Variants in PCDHA6 observed in about 807,000 individuals in gnomAD.
PCDHA6 encodes protocadherin alpha-6.
In PCDHA6, 55 loss-of-function variants were observed where a neutral mutation model predicts 60.3. The ratio of observed to expected loss-of-function variants is 0.91; its 90% CI spans 0.73 to 1.14. The LOEUF is 1.14. PCDHA6 is among the 50% of genes most tolerant of loss of function. The pLI is 0.00. For synonymous variants in PCDHA6, 652 were observed against 557.9 expected (o/e 1.17, Z -2.38); for missense variants, 1,327 against 1,256.5 (o/e 1.06, Z -0.85).
At chr5:140,942,351 G>A (rs893015832) in intron 1 of PCDHA6, among the ~76,000 whole-genome samples, 1 of 152,024 alleles carries the variant, frequency 6.6e-6, no homozygotes, top group Admixed American at 6.6e-5. Flanking sequence ...GGCGGAGGTT[G>A]CAGTTAACGG....
intron 1 of PCDHA6, among the ~76,000 whole-genome samples, chr5:140,977,005 A>C (rs982594376): frequency 3.3e-5 from 5 of 152,156 alleles, no homozygotes; most frequent in Non-Finnish European, 5.9e-5. Flanking sequence ...AAATCTTGTA[A>C]CTGTGATTCT....
intron 1 of PCDHA6, chr5:140,863,111 C>T (rs782266273): frequency 1.2e-5 from 7 of 585,488 alleles, no homozygotes; most frequent in Non-Finnish European, 1.7e-5. Context: ...CTGGACGAGG[C>T]GAAAGCTACG....
intron 1 of PCDHA6, among the ~76,000 whole-genome samples, chr5:140,831,531 T>C (rs1485160506): frequency 6.6e-6 from 1 of 150,388 alleles, no homozygotes; most frequent in Non-Finnish European, 1.5e-5. Flanking sequence ...TTTTTTTTTT[T>C]TTTTTTTTTT....
chr5:140,999,032 C>T (rs2097843779), intron 3 of PCDHA6, among the ~76,000 whole-genome samples: 1 of 152,236 alleles, frequency 6.6e-6, no homozygotes, highest in South Asian at 2.1e-4. Flanking sequence ...TTTGATACTT[C>T]GTCCAGTGTG....
intron 1 of PCDHA6, among the ~76,000 whole-genome samples, chr5:140,878,373 T>G (rs944129613): frequency 2.2e-4 from 34 of 152,258 alleles, no homozygotes; most frequent in African/African-American, 8.0e-4. Flanking sequence ...TGACATATGA[T>G]GAATGATTTT....
chr5:140,969,921 G>A (rs1417032241), intron 1 of PCDHA6, among the ~76,000 whole-genome samples: 2 of 152,198 alleles, frequency 1.3e-5, no homozygotes, highest in African/African-American at 2.4e-5. Flanking sequence ...TAAAGCTGTA[G>A]TATTTAGACA....
intron 1 of PCDHA6, chr5:140,968,160 A>G: frequency 7.4e-6 from 12 of 1,614,104 alleles, no homozygotes; most frequent in Non-Finnish European, 1.0e-5. Context: ...ATCAATGACA[A>G]TCCACCAAGC....
intron 2 of PCDHA6, among the ~76,000 whole-genome samples, chr5:140,982,179 T>C (rs950269342): frequency 6.6e-6 from 1 of 152,396 alleles, no homozygotes. Flanking sequence ...CTTAGTCCTC[T>C]GATGGGCTTC....
intron 3 of PCDHA6, among the ~76,000 whole-genome samples, chr5:141,009,108 A>G (rs529319870): frequency 5.3e-5 from 8 of 152,346 alleles, no homozygotes; most frequent in African/African-American, 1.9e-4. Context: ...TGTTACTATG[A>G]AACTAGATTC....
chr5:140,881,538 C>A (rs879991805), intron 1 of PCDHA6, among the ~76,000 whole-genome samples: 1 of 152,196 alleles, frequency 6.6e-6, no homozygotes, highest in Middle Eastern at 3.2e-3. Flanking sequence ...TGACTGAACA[C>A]TTTCTTTTGA....
chr5:140,933,677 T>A (rs1024721491), intron 1 of PCDHA6, among the ~76,000 whole-genome samples: 8 of 151,826 alleles, frequency 5.3e-5, no homozygotes, highest in African/African-American at 1.9e-4. Context: ...CTCTCTCACA[T>A]TTTTTTTCCT....
At chr5:140,951,545 G>T (rs1019007635) in intron 1 of PCDHA6, among the ~76,000 whole-genome samples, 2 of 151,950 alleles carry the variant, frequency 1.3e-5, no homozygotes, top group African/African-American at 4.8e-5. Flanking sequence ...GCAAGGGACG[G>T]GGGGAAGTGC....
At chr5:140,904,107 T>A (rs1214453471) in intron 1 of PCDHA6, among the ~76,000 whole-genome samples, 3 of 152,216 alleles carry the variant, frequency 2.0e-5, no homozygotes, top group Non-Finnish European at 4.4e-5. Context: ...TAGTGGTCAT[T>A]GCTGAGATTT....
chr5:140,871,719 T>G (rs1228976923), intron 1 of PCDHA6: 1 of 783,446 alleles, frequency 1.3e-6, no homozygotes, highest in East Asian at 2.9e-5. Flanking sequence ...CCTATTTCTC[T>G]TAATATTTGG....
Position 140,895,372 on chromosome 5 carries a change from T to C in PCDHA6, c.2394+64887T>C, listed in dbSNP as rs112463980. Among the ~76,000 whole-genome samples, 883 of 152,294 alleles carry C rather than the reference T, an allele frequency of 5.8e-3. 7 individuals carry two copies. The highest frequency in any genetic ancestry group is 0.021 in the African/African-American group (855 of 41,558). On this transcript the variant is annotated intron_variant, in intron 1 of 3. Coordinates refer to ENST00000529310, the MANE Select transcript of PCDHA6 (RefSeq NM_018909.4). The stretch of plus-strand genomic sequence containing the variant: ...CCAGTGAGTACTTATTGGCACTTTT[T>C]GGAGTTCTTCAATTCTCAACACCAT...
In PCDHA6 at chr5:140,883,718, G is replaced by A. The variant is rs376943163; in HGVS notation, c.2394+53233G>A. 7 of 1,613,642 alleles carry A rather than the reference G, an allele frequency of 4.3e-6. No homozygotes were observed. The South Asian group carries it at 6.6e-5, about 15-fold the overall frequency. ...CACGGTGTCTGCTCAGGACGCGGAC[G>A]CACAGGAGAACGCGCTGGTCTCCTA... On this transcript the variant is annotated intron_variant, in intron 1 of 3. Transcript: ENST00000529310.
At chr5:140,925,545 T>C (rs2082554124) in intron 1 of PCDHA6, among the ~76,000 whole-genome samples, 1 of 151,896 alleles carries the variant, frequency 6.6e-6, no homozygotes, top group Non-Finnish European at 1.5e-5. Flanking sequence ...ATACCTAATG[T>C]AAATGACAAG....
chr5:140,952,334 A>G (rs1585456390), intron 1 of PCDHA6, among the ~76,000 whole-genome samples: 1 of 103,312 alleles, frequency 9.7e-6, no homozygotes, highest in East Asian at 2.9e-4. Context: ...GTGAAACTCC[A>G]TCTCAAAAAA....
At chr5:140,887,704 C>A (rs1554183178) in intron 1 of PCDHA6, among the ~76,000 whole-genome samples, 1 of 152,104 alleles carries the variant, frequency 6.6e-6, no homozygotes, top group East Asian at 1.9e-4. Context: ...ATCAACCATA[C>A]TTCTTCTAAT....
Sources: gnomAD v4.1 joint callset for allele counts (sites outside exome capture counted in the v4.1 genomes callset) on GRCh38, gnomAD v4.1.1 for gene constraint, MANE v1.5 for transcripts, NCBI Gene and HGNC (gene_info 2026-07-23, HGNC 2026-07-21) for gene names.